Variants in INTS10 observed in about 807,000 individuals in gnomAD.
INTS10 encodes the protein chromosome 8 open reading frame 35.
INTS10 carries 44 observed loss-of-function variants against 94.4 expected under a neutral mutation model. The ratio of observed to expected loss-of-function variants is 0.47; its 90% CI spans 0.37 to 0.60. The LOEUF is 0.60. Ranked by LOEUF, INTS10 falls within the 20% of genes least tolerant of loss-of-function variation. The pLI, the probability that INTS10 is intolerant of heterozygous loss-of-function variation, is 0.00. For synonymous variants in INTS10, 341 were observed against 320.7 expected, an observed-to-expected ratio of 1.06 and a Z score of -0.68; for missense variants, 797 against 868.7, an observed-to-expected ratio of 0.92 and a Z score of 1.04.
At position 19,845,750 on chromosome 8, in the gene INTS10, T is replaced by C. The variant is rs1458272257; in HGVS notation, c.1929T>C (p.Gly643=). The C allele has an allele frequency of 6.2e-7, 1 of 1,613,882 alleles. No individual in the cohort carries two copies. The highest frequency in any genetic ancestry group is 2.2e-5 in the East Asian group (1 of 44,888). The change falls in exon 16 of 17, where the codon GGT becomes GGC. Residue 643 remains glycine (G), a synonymous_variant. Transcript: ENST00000397977. ...TTGCCTACTTGAGAACTCAGGAAGG[T>C]GGGAAAATTCATCTGGAATTACTAC... The part of the protein sequence containing the change: ...EEFAYLRTQE[G]GKIHLELLPN...
rs566871748 is a variant in INTS10 at position 19,851,266 on chromosome 8, C to T, written c.1977-383C>T. Among the ~76,000 whole-genome samples the T allele has an allele frequency of 4.6e-5, 7 of 152,262 alleles. No individual in the cohort carries two copies. Among genetic ancestry groups the T allele is most frequent in the South Asian group, 2.1e-4 (1 of 4,826 alleles). ...TGCTGCCTCTGGAGGGTCTGCTGGC[C>T]GGGCTGGACATGAGCTCTTTGTAGC... On this transcript the variant is annotated intron_variant, in intron 16 of 16. Coordinates refer to ENST00000397977, the MANE Select transcript of INTS10 (RefSeq NM_018142.4). The surrounding 1 kb of genome is among the most constrained non-coding windows in gnomAD (Gnocchi z 5.0).
In INTS10 at chr8:19,845,795, C is replaced by T; in HGVS notation, c.1974C>T (p.Ile658=). The change falls in exon 16 of 17, where the codon ATC becomes ATT. Residue 658 remains isoleucine (I), a splice_region_variant and synonymous_variant. Transcript: ENST00000397977. ...LELLPNQGML[I]KHHTVTRGIT... ...TACTACCCAATCAAGGAATGCTGAT[C>T]AAGTAAGCATGTTCTCTTTTGCTCT... is the stretch of plus-strand genomic sequence containing the variant. 1 of 1,607,942 alleles carries T rather than the reference C, an allele frequency of 6.2e-7. No homozygotes were observed. Among genetic ancestry groups the T allele is most frequent in the Non-Finnish European group, 8.5e-7 (1 of 1,174,422 alleles).
intron 16 of INTS10, among the ~76,000 whole-genome samples, chr8:19,850,309 C>G (rs954797391): frequency 3.3e-5 from 5 of 152,064 alleles, no homozygotes; most frequent in Non-Finnish European, 7.4e-5. Flanking sequence ...TCTATCCTAG[C>G]GGGACCTCAC....
At chr8:19,840,456 A>C (rs1192922682) in intron 13 of INTS10, among the ~76,000 whole-genome samples, 1 of 152,174 alleles carries the variant, frequency 6.6e-6, no homozygotes, top group Non-Finnish European at 1.5e-5. Flanking sequence ...CTAAAATGTA[A>C]GTGGAAATAT....
chr8:19,845,606 G>T, intron 15 of INTS10, 98 bp from the exon 16 acceptor site: 1 of 783,716 alleles, frequency 1.3e-6, no homozygotes. Context: ...TTAGTGGGAT[G>T]GCAATGGGCA....
rs1277436105 is a variant in INTS10, at chr8:19,843,512, A to G, written c.1720-564A>G. Among the ~76,000 whole-genome samples, 1 of 152,196 alleles carries G rather than the reference A, an allele frequency of 6.6e-6. No homozygotes were observed. The highest frequency in any genetic ancestry group is 1.5e-5 in the Non-Finnish European group (1 of 68,042). ...GTAACTCCCACTTAACTCATCATCC[A>G]TATCACTTTTTTAGGGCAACAAAAA... is the stretch of plus-strand genomic sequence containing the variant. On this transcript the variant is annotated intron_variant, in intron 14 of 16. Coordinates refer to ENST00000397977, the MANE Select transcript of INTS10 (RefSeq NM_018142.4). This position sits in a 1 kb window ranked among gnomAD's most constrained non-coding sequence, Gnocchi z 4.7.
chr8:19,835,635 T>C (rs1442821842), intron 12 of INTS10, among the ~76,000 whole-genome samples: 1 of 152,192 alleles, frequency 6.6e-6, no homozygotes, highest in Admixed American at 6.5e-5. Flanking sequence ...CCTGGCTAGC[T>C]CTGTGACATC....
chr8:19,842,289 G>A (rs982591639), intron 13 of INTS10, among the ~76,000 whole-genome samples: 1 of 152,124 alleles, frequency 6.6e-6, no homozygotes, highest in African/African-American at 2.4e-5. Context: ...ATGAAGTTGA[G>A]TAAAAAAAGC....
chr8:19,847,999 A>T (rs1374481483), intron 16 of INTS10, among the ~76,000 whole-genome samples: 1 of 152,216 alleles, frequency 6.6e-6, no homozygotes, highest in Non-Finnish European at 1.5e-5. Flanking sequence ...AATAGGGATT[A>T]TTCCTTAGTG....
chr8:19,818,197 G>A (rs764797969), intron 1 of INTS10, 78 bp from the exon 2 acceptor site: 55 of 1,399,100 alleles, frequency 3.9e-5, no homozygotes, highest in Non-Finnish European at 5.6e-5. Flanking sequence ...CCTGCAGGAG[G>A]GCCAACGAGC....
chr8:19,824,148 G>T, intron 7 of INTS10, 104 bp downstream of exon 7: 1 of 994,454 alleles, frequency 1.0e-6, no homozygotes, highest in Non-Finnish European at 1.5e-6. Flanking sequence ...TATAGTTTTT[G>T]GGCAAATTTT....
At position 19,851,587 on chromosome 8, in the gene INTS10, A is replaced by G. The variant is rs1223630505; in HGVS notation, c.1977-62A>G. The G allele has an allele frequency of 3.4e-6, 5 of 1,480,606 alleles. No homozygotes were observed. Among genetic ancestry groups the G allele is most frequent in the Non-Finnish European group, 4.7e-6 (5 of 1,062,074 alleles). 91.7% of individuals were successfully genotyped at this position (1,480,606 alleles called of 1,614,324 possible). A position where few individuals can be genotyped will look rare whatever the true frequency, so the allele number is the denominator to read the frequency against. On this transcript the variant is annotated intron_variant, in intron 16 of 16. Coordinates refer to ENST00000397977, the MANE Select transcript of INTS10 (RefSeq NM_018142.4). This position sits in a 1 kb window ranked among gnomAD's most constrained non-coding sequence, Gnocchi z 5.0. ...CAGGCTTTATTCCTACCCAAGTAGC[A>G]GCGATCAGCGATGCTGGTGCTAACC...
At position 19,851,746 on chromosome 8, in the gene INTS10, G is replaced by C. The variant is rs1405375599; in HGVS notation, c.2074G>C (p.Val692Leu). The change falls in exon 17 of 17, where the codon GTG becomes CTG. Residue 692 changes from valine (V) to leucine (L), a missense_variant. Around this residue, in one of 3 missense-constraint regions of INTS10, gnomAD observed 47 missense variants for 41.8 expected, o/e 1.12. Coordinates refer to ENST00000397977, the MANE Select transcript of INTS10 (RefSeq NM_018142.4). This position sits in a 1 kb window ranked among gnomAD's most constrained non-coding sequence, Gnocchi z 5.0. ...QVSRCGENLM[V>L]VLHRFCINEK... is the part of the protein sequence containing the mutation. The stretch of plus-strand genomic sequence containing the variant: ...CTCCCGCTGTGGAGAGAATCTGATG[G>C]TGGTTCTGCACAGGTTCTGCATTAA... 17 of 1,614,154 alleles carry C rather than the reference G, an allele frequency of 1.1e-5. No homozygotes were observed. The highest frequency in any genetic ancestry group is 2.2e-5 in the East Asian group (1 of 44,882).
At chr8:19,836,978 A>C (rs1305402792) in intron 12 of INTS10, 74 bp from the exon 13 acceptor site, 3 of 937,582 alleles carry the variant, frequency 3.2e-6, no homozygotes, top group Non-Finnish European at 3.5e-6. Context: ...GTATGCTGCA[A>C]ATATTTTGGT....
chr8:19,836,278 G>C (rs948246419), intron 12 of INTS10, among the ~76,000 whole-genome samples: 12 of 152,008 alleles, frequency 7.9e-5, no homozygotes, highest in African/African-American at 2.9e-4. Context: ...AAAAGGGTTT[G>C]CTTGACACAG....
At position 19,823,958 on chromosome 8, in the gene INTS10, C is replaced by G; in HGVS notation, c.750C>G (p.Ser250=). 2.5e-6 allele frequency: 4 copies of G among 1,613,560 alleles called. No homozygotes were observed. The highest frequency in any genetic ancestry group is 2.5e-6 in the Non-Finnish European group (3 of 1,179,682). The change falls in exon 7 of 17, where the codon TCC becomes TCG. Residue 250 remains serine (S), a synonymous_variant. Coordinates refer to ENST00000397977, the MANE Select transcript of INTS10 (RefSeq NM_018142.4). ...TAGAAGGGCTGACGGAAAAATCATC[C>G]CAGATCGTGGACCCTTGGGAGAGGT... ...YIIEGLTEKS[S]QIVDPWERLF...
chr8:19,820,399 G>C lies in INTS10; in HGVS notation c.322G>C (p.Gly108Arg), dbSNP rs1472087983. 6.2e-7 allele frequency: 1 copy of C among 1,611,230 alleles called. No individual in the cohort carries two copies. Among genetic ancestry groups the C allele is most frequent in the South Asian group, 1.1e-5 (1 of 90,772 alleles). ...FLRSLFETLP[G>R]RVQCEMLLKV... is the part of the protein sequence containing the mutation. ...TACAGGTTTATTTGAAACTCTTCCT[G>C]GTCGGGTCCAGTGTGAAATGTTACT... Residue 108 changes from glycine to arginine, a missense_variant, in exon 4 of 17, where the codon GGT becomes CGT. Gly to Arg is a moderately radical substitution (Grantham distance 125). This residue lies in a region of INTS10 where 734 missense variants were observed against 787.8 expected (regional missense o/e 0.93). Coordinates refer to ENST00000397977, the MANE Select transcript of INTS10 (RefSeq NM_018142.4).
chr8:19,847,568 C>T (rs1225920341), intron 16 of INTS10, among the ~76,000 whole-genome samples: 1 of 152,194 alleles, frequency 6.6e-6, no homozygotes. Context: ...CATAGTGGAA[C>T]CGAAGTCTGT....
Position 19,825,052 on chromosome 8 carries a change from G to A in INTS10, c.1006+80G>A, listed in dbSNP as rs1334933834. The A allele has an allele frequency of 3.4e-6, 4 of 1,189,498 alleles. No homozygotes were observed. The African/African-American group carries it at 4.6e-5, about 14-fold the overall frequency. 73.7% of individuals were successfully genotyped at this position (1,189,498 alleles called of 1,614,324 possible). On this transcript the variant is annotated intron_variant, in intron 8 of 16. Coordinates refer to ENST00000397977, the MANE Select transcript of INTS10 (RefSeq NM_018142.4). ...TAAGGAAAATGAAAGTGTTTATCCA[G>A]TATTGCTGGATCCGAATAACTGTGG...
Sources: allele counts gnomAD v4.1 joint callset (sites outside exome capture counted in the v4.1 genomes callset), GRCh38; gene constraint gnomAD v4.1.1; regional missense constraint gnomAD v4.1.1; non-coding constraint Gnocchi (gnomAD v3.1); transcripts MANE v1.5; gene names NCBI Gene and HGNC (gene_info 2026-07-23, HGNC 2026-07-21).